RNF4: variants seen among roughly 807,000 people sequenced by gnomAD.
RNF4 encodes the protein E3 ubiquitin-protein ligase RNF4.
Under a neutral mutation model 24.3 loss-of-function variants are expected in RNF4, and 7 were observed. The observed-to-expected ratio is 0.29, with a 90% CI of 0.16 to 0.54. The LOEUF (loss-of-function observed/expected upper bound fraction) is 0.54, where lower values mean the gene tolerates loss of function less well. Ranked by LOEUF, RNF4 falls within the 20% of genes least tolerant of loss-of-function variation. The pLI is 0.95. For synonymous variants in RNF4, 83 were observed against 84.3 expected (o/e 0.98, Z 0.09); for missense variants, 209 against 248.5 (o/e 0.84, Z 1.07).
chr4:2,496,352 T>C (rs1168173147), intron 2 of RNF4, among the ~76,000 whole-genome samples: 4 of 152,206 alleles, frequency 2.6e-5, no homozygotes, highest in Non-Finnish European at 4.4e-5. Flanking sequence ...TTGATAACTT[T>C]TGGTTAAAGG....
At chr4:2,475,921 G>T (rs943614541) in intron 1 of RNF4, among the ~76,000 whole-genome samples, 5 of 152,104 alleles carry the variant, frequency 3.3e-5, no homozygotes, top group Admixed American at 1.3e-4. Context: ...CTTTTGTTAG[G>T]CTTTGTTATG....
rs1735756178 is a variant in RNF4, at chr4:2,496,991, C to T, written c.10-16C>T. 3 of 1,568,346 alleles carry T rather than the reference C, an allele frequency of 1.9e-6. No individual in the cohort carries two copies. The highest frequency in any genetic ancestry group is 2.6e-6 in the Non-Finnish European group (3 of 1,153,728). ...TCTGGTGTTCATGTGACTCTTCTTT[C>T]CCCCTTGCTACTCAGAGAAAGCGTC... On this transcript the variant is annotated splice_polypyrimidine_tract_variant and intron_variant, in intron 2 of 7. Transcript: ENST00000314289.
chr4:2,510,327 A>G (rs2282765), intron 4 of RNF4, among the ~76,000 whole-genome samples: 55,811 of 152,042 alleles, frequency 0.37, 11,932 homozygotes, highest in Admixed American at 0.55. Context: ...TTGACCTCGA[A>G]GCATTGACCC....
intron 2 of RNF4, among the ~76,000 whole-genome samples, chr4:2,491,836 C>T (rs1046187967): frequency 6.6e-6 from 1 of 151,944 alleles, no homozygotes; most frequent in Non-Finnish European, 1.5e-5. Context: ...TGGAGTCAAG[C>T]AATCCTTTCA....
intron 1 of RNF4, among the ~76,000 whole-genome samples, chr4:2,473,119 C>T (rs138915893): frequency 0.011 from 1,661 of 152,194 alleles, 29 homozygotes; most frequent in African/African-American, 0.038. Context: ...CGGTGGCTCA[C>T]GCCTGTAATC....
At chr4:2,495,809 T>G (rs967779255) in intron 2 of RNF4, among the ~76,000 whole-genome samples, 1 of 152,156 alleles carries the variant, frequency 6.6e-6, no homozygotes, top group Non-Finnish European at 1.5e-5. Context: ...ATTTTGTATT[T>G]TTAGTAGAGA....
rs1734813584 is a variant in RNF4, at chr4:2,469,264, T to C, written c.-158+6T>C. The C allele has an allele frequency of 6.6e-6, 1 of 152,056 alleles. No individual in the cohort carries two copies. Among genetic ancestry groups the C allele is most frequent in the Non-Finnish European group, 1.5e-5 (1 of 68,014 alleles). The allele number at this position is 152,056 out of a possible 1,614,324, so 9.4% of individuals were successfully genotyped here. Reference sequence around the variant, plus strand: ...AGCTTTGCGGGAAAGCAGCGGTAAGTCAGGGCCTTGCAGATGCGAGGTTTA... The same window carrying C: ...AGCTTTGCGGGAAAGCAGCGGTAAGCCAGGGCCTTGCAGATGCGAGGTTTA... On this transcript the variant is annotated splice_donor_region_variant and intron_variant, in intron 1 of 7. Coordinates refer to ENST00000314289, the MANE Select transcript of RNF4 (RefSeq NM_002938.5).
At chr4:2,510,980 G>A (rs917743733) in intron 4 of RNF4, among the ~76,000 whole-genome samples, 1 of 152,222 alleles carries the variant, frequency 6.6e-6, no homozygotes, top group Non-Finnish European at 1.5e-5. Context: ...GTCATGCATA[G>A]CCTGCTTTTC....
chr4:2,513,807 C>T lies in RNF4; in HGVS notation c.561C>T (p.Pro187=), dbSNP rs1479929192. 1.2e-6 allele frequency: 2 copies of T among 1,613,962 alleles called. No individual in the cohort carries two copies. The highest frequency in any genetic ancestry group is 4.5e-5 in the East Asian group (2 of 44,890). The change falls in exon 8 of 8, where the codon CCC becomes CCT. Residue 187 remains proline (P), a synonymous_variant. Coordinates refer to ENST00000314289, the MANE Select transcript of RNF4 (RefSeq NM_002938.5). ...RKKINHKRYH[P]IYI ...AGATCAACCACAAACGGTACCACCC[C>T]ATTTATATATGAAGTATTCAGAGCC...
chr4:2,502,671 CAAA>C (rs774687827), intron 4 of RNF4, among the ~76,000 whole-genome samples: 1 of 121,632 alleles, frequency 8.2e-6, no homozygotes. Context: ...GACTCCATCT[CAAA>C]AAAAAAAAAA....
chr4:2,470,744 T>TAAAC (rs2108745076), intron 1 of RNF4, among the ~76,000 whole-genome samples: 1 of 152,264 alleles, frequency 6.6e-6, no homozygotes, highest in African/African-American at 2.4e-5. Context: ...AATACAGCAG[T>TAAAC]AAACAGTCGT....
intron 1 of RNF4, among the ~76,000 whole-genome samples, chr4:2,474,293 G>A (rs1374759303): frequency 2.6e-5 from 4 of 150,964 alleles, no homozygotes; most frequent in South Asian, 2.1e-4. Flanking sequence ...CAGGAGAATC[G>A]CTTGAACCCA....
At chr4:2,504,368 T>A (rs1371618270) in intron 4 of RNF4, among the ~76,000 whole-genome samples, 1 of 152,198 alleles carries the variant, frequency 6.6e-6, no homozygotes, top group Non-Finnish European at 1.5e-5. Context: ...CACATCCTCA[T>A]GGCCACTTTT....
chr4:2,474,348 A>C (rs1735003582), intron 1 of RNF4, among the ~76,000 whole-genome samples: 1 of 150,424 alleles, frequency 6.6e-6, no homozygotes, highest in Non-Finnish European at 1.5e-5. Context: ...ATTGCACTCC[A>C]TCCAGCCTGG....
intron 4 of RNF4, among the ~76,000 whole-genome samples, chr4:2,506,638 G>T (rs1469496316): frequency 2.6e-5 from 4 of 151,750 alleles, no homozygotes; most frequent in African/African-American, 9.7e-5. Flanking sequence ...TGCCATCACG[G>T]CTCACTGCAG....
intron 3 of RNF4, among the ~76,000 whole-genome samples, chr4:2,497,666 GCTC>G (rs1334047335): frequency 2.6e-5 from 4 of 152,080 alleles, no homozygotes; most frequent in South Asian, 2.1e-4. Flanking sequence ...ATAGAGTCTT[GCTC>G]TGTCGCCCAA....
At chr4:2,493,524 A>C (rs939412719) in intron 2 of RNF4, among the ~76,000 whole-genome samples, 5 of 151,934 alleles carry the variant, frequency 3.3e-5, no homozygotes, top group Non-Finnish European at 7.4e-5. Context: ...ATGGTGGATC[A>C]CAAGGTCAGG....
Position 2,512,678 on chromosome 4 carries a change from G to A in RNF4, c.374+81G>A. On this transcript the variant is annotated intron_variant, in intron 6 of 7. Coordinates refer to ENST00000314289, the MANE Select transcript of RNF4 (RefSeq NM_002938.5). The surrounding 1 kb of genome is among the most constrained non-coding windows in gnomAD (Gnocchi z 4.1). ...TGGGAATACTTTTCAGCAAATCTGT[G>A]AGCCCTTGGCCCTGGAAGGGCTTGC... 6.5e-7 allele frequency: 1 copy of A among 1,527,228 alleles called. No individual in the cohort carries two copies. Among genetic ancestry groups the A allele is most frequent in the Non-Finnish European group, 8.9e-7 (1 of 1,128,990 alleles). 94.6% of individuals were successfully genotyped at this position (1,527,228 alleles called of 1,614,324 possible).
intron 2 of RNF4, among the ~76,000 whole-genome samples, chr4:2,491,617 T>C (rs1034176558): frequency 6.6e-6 from 1 of 152,166 alleles, no homozygotes; most frequent in Non-Finnish European, 1.5e-5. Flanking sequence ...TGATTTTGTA[T>C]TTTTAGTAGA....
Sources: gnomAD v4.1 joint callset for allele counts (sites outside exome capture counted in the v4.1 genomes callset) on GRCh38, gnomAD v4.1.1 for gene constraint, Gnocchi (gnomAD v3.1) non-coding constraint, MANE v1.5 for transcripts, NCBI Gene and HGNC (gene_info 2026-07-23, HGNC 2026-07-21) for gene names.